SEMA6A: variants seen among roughly 807,000 people sequenced by gnomAD.
SEMA6A encodes the protein semaphorin 6A.
A neutral mutation model predicts 96.8 loss-of-function variants in SEMA6A; 25 were observed. The ratio of observed to expected loss-of-function variants is 0.26; its 90% confidence interval spans 0.19 to 0.36. The LOEUF (loss-of-function observed/expected upper bound fraction) is 0.36, where lower values mean the gene tolerates loss of function less well. Ranked by LOEUF, SEMA6A falls within the 10% of genes least tolerant of loss-of-function variation. SEMA6A has a pLI of 1.00. For missense variants in SEMA6A, 1,363 were observed against 1,323.1 expected (o/e 1.03, Z -0.47); for synonymous variants, 612 against 518.0 (o/e 1.18, Z -2.46).
intron 3 of SEMA6A, among the ~76,000 whole-genome samples, chr5:116,497,903 G>C (rs529297658): frequency 6.6e-6 from 1 of 152,286 alleles, no homozygotes; most frequent in South Asian, 2.1e-4. Flanking sequence ...GACGACAAAG[G>C]TAAAATTATT....
At chr5:116,511,116 A>T (rs983474832) in intron 1 of SEMA6A, among the ~76,000 whole-genome samples, 1 of 152,222 alleles carries the variant, frequency 6.6e-6, no homozygotes, top group Non-Finnish European at 1.5e-5. Context: ...CCTCCCAAAG[A>T]TTCCAAAATC....
At chr5:116,456,388 G>T (rs142168193) in intron 18 of SEMA6A, among the ~76,000 whole-genome samples, 1 of 152,236 alleles carries the variant, frequency 6.6e-6, no homozygotes, top group East Asian at 1.9e-4. Flanking sequence ...CATATCTAAG[G>T]TCTCATTGGA....
chr5:116,446,875 G>A lies in SEMA6A; in HGVS notation c.2831C>T (p.Ser944Phe). The A allele has an allele frequency of 1.2e-6, 2 of 1,613,994 alleles. No individual in the cohort carries two copies. Among genetic ancestry groups the A allele is most frequent in the African/African-American group, 1.3e-5 (1 of 75,040 alleles). ...LKRNNTNSSN[S>F]SHLSRNQSFG... ...GCTCTGGTTTCTGGAGAGGTGAGAG[G>A]AATTGGAGGAGTTAGTGTTGTTTCT... The change falls in exon 19 of 19, where the codon TCC becomes TTC. Residue 944 changes from serine (S) to phenylalanine (F), a missense_variant. Transcript: ENST00000343348.
At chr5:116,496,435 C>A in intron 4 of SEMA6A, 122 bp from the exon 5 acceptor site, 1 of 700,668 alleles carries the variant, frequency 1.4e-6, no homozygotes, top group Non-Finnish European at 2.3e-6. Flanking sequence ...TTTCTGCACC[C>A]TTTCTCCATG....
intron 1 of SEMA6A, among the ~76,000 whole-genome samples, chr5:116,565,821 T>G (rs550211269): frequency 1.2e-4 from 19 of 152,284 alleles, no homozygotes; most frequent in African/African-American, 4.6e-4. Flanking sequence ...GGAATGCAAT[T>G]TTTTGTAAAG....
chr5:116,487,970 A>G, intron 9 of SEMA6A, 138 bp downstream of exon 9: 1 of 532,538 alleles, frequency 1.9e-6, no homozygotes, highest in Admixed American at 3.6e-5. Context: ...GTTCTGAAAC[A>G]GCAGATAGGG....
In SEMA6A at chr5:116,447,588, G is replaced by A. The variant is rs1432847383; in HGVS notation, c.2118C>T (p.Ser706=). 3 of 1,613,928 alleles carry A rather than the reference G, an allele frequency of 1.9e-6. No homozygotes were observed. Among genetic ancestry groups the A allele is most frequent in the African/African-American group, 2.7e-5 (2 of 74,940 alleles). Residue 706 remains serine, a synonymous_variant, in exon 19 of 19, where the codon AGC becomes AGT. Transcript: ENST00000343348. ...TGGATTGAGTGTCCCCAAAGAGGCCGCTGAGCTTGGTGACGCTGCTCATGG... is the reference window on the plus strand; with the variant it reads ...TGGATTGAGTGTCCCCAAAGAGGCCACTGAGCTTGGTGACGCTGCTCATGG... ...RGSMSSVTKL[S]GLFGDTQSKD...
chr5:116,562,495 A>C, intron 1 of SEMA6A: 2 of 457,720 alleles, frequency 4.4e-6, no homozygotes, highest in Non-Finnish European at 4.2e-6. Flanking sequence ...TGACACAGGA[A>C]AAAGTACTTT....
At chr5:116,473,205 T>C in intron 16 of SEMA6A, 112 bp from the exon 17 acceptor site, 2 of 1,015,160 alleles carry the variant, frequency 2.0e-6, no homozygotes, top group Non-Finnish European at 2.9e-6. Flanking sequence ...TGGTCCCCGA[T>C]ACTAAGTAAG....
intron 3 of SEMA6A, among the ~76,000 whole-genome samples, chr5:116,500,521 T>C (rs541472661): frequency 6.6e-6 from 1 of 152,360 alleles, no homozygotes; most frequent in South Asian, 2.1e-4. Flanking sequence ...ATTTGTAAAG[T>C]AAAACTTTAG....
intron 1 of SEMA6A, among the ~76,000 whole-genome samples, chr5:116,517,182 G>A (rs1439444478): frequency 6.6e-6 from 1 of 152,008 alleles, no homozygotes; most frequent in Non-Finnish European, 1.5e-5. Flanking sequence ...CTCTTAGGAT[G>A]AATATTTATG....
At chr5:116,483,371 T>C (rs1035591117) in intron 10 of SEMA6A, among the ~76,000 whole-genome samples, 13 of 152,180 alleles carry the variant, frequency 8.5e-5, no homozygotes, top group African/African-American at 2.9e-4. Flanking sequence ...TCCTTGATTT[T>C]GATCAAATAA....
chr5:116,544,103 A>C (rs1189940421), intron 1 of SEMA6A, among the ~76,000 whole-genome samples: 1 of 152,160 alleles, frequency 6.6e-6, no homozygotes, highest in African/African-American at 2.4e-5. Context: ...CCTTCCAACC[A>C]CTTCCACTAT....
chr5:116,520,591 G>T (rs1758888644), intron 1 of SEMA6A, among the ~76,000 whole-genome samples: 1 of 152,186 alleles, frequency 6.6e-6, no homozygotes, highest in African/African-American at 2.4e-5. Context: ...CTAGAGGACA[G>T]TTGTGAGGGT....
chr5:116,448,784 AAC>A (rs954276650), intron 18 of SEMA6A, among the ~76,000 whole-genome samples: 5 of 148,054 alleles, frequency 3.4e-5, no homozygotes, highest in Non-Finnish European at 6.0e-5. Flanking sequence ...AAACAGTGCA[AAC>A]TCAATTTCAG....
intron 1 of SEMA6A, among the ~76,000 whole-genome samples, chr5:116,515,151 A>G (rs546726076): frequency 6.6e-6 from 1 of 152,300 alleles, no homozygotes; most frequent in Non-Finnish European, 1.5e-5. Flanking sequence ...AGCGTGTTAA[A>G]ACAGACAACT....
At chr5:116,558,919 T>A (rs1760705962) in intron 1 of SEMA6A, among the ~76,000 whole-genome samples, 2 of 152,168 alleles carry the variant, frequency 1.3e-5, no homozygotes, top group South Asian at 4.1e-4. Context: ...GGAGAACACA[T>A]GTATATCTAA....
intron 1 of SEMA6A, among the ~76,000 whole-genome samples, chr5:116,527,011 T>A (rs1355624694): frequency 1.3e-5 from 2 of 152,182 alleles, no homozygotes; most frequent in East Asian, 1.9e-4. Context: ...CCAAGTTCTG[T>A]ATTTTTAAAT....
intron 18 of SEMA6A, 23 bp from the exon 19 acceptor site, chr5:116,447,834 C>T (rs1180996461): frequency 1.3e-6 from 2 of 1,534,544 alleles, no homozygotes; most frequent in East Asian, 2.3e-5. Context: ...TCGCATATGG[C>T]GTTAAGAAAT....
Sources: gnomAD v4.1 joint callset for allele counts (sites outside exome capture counted in the v4.1 genomes callset) on GRCh38, gnomAD v4.1.1 for gene constraint, MANE v1.5 for transcripts, NCBI Gene and HGNC (gene_info 2026-07-23, HGNC 2026-07-21) for gene names.